SNX9: variants seen among roughly 807,000 people sequenced by gnomAD.
SNX9 encodes sorting nexin-9.
A neutral mutation model predicts 89.4 loss-of-function variants in SNX9; 44 were observed. That is an observed-to-expected ratio of 0.49 (90% CI 0.39 to 0.63). The LOEUF (loss-of-function observed/expected upper bound fraction) is 0.63. SNX9 is among the 30% of genes least tolerant of loss of function. The pLI is 0.00. For missense variants in SNX9, 578 were observed against 736.1 expected (o/e 0.79, Z 2.49); for synonymous variants, 236 against 247.8 (o/e 0.95, Z 0.45).
At chr6:157,896,271 T>G (rs1484894825) in intron 4 of SNX9, among the ~76,000 whole-genome samples, 2 of 152,252 alleles carry the variant, frequency 1.3e-5, no homozygotes, top group African/African-American at 2.4e-5. Context: ...TGTTTGAATT[T>G]TTTTTATTAT....
At chr6:157,836,167 C>G (rs1043117538) in intron 1 of SNX9, among the ~76,000 whole-genome samples, 5 of 152,088 alleles carry the variant, frequency 3.3e-5, no homozygotes, top group African/African-American at 9.7e-5. Context: ...CCAGGCTGAT[C>G]TTGAACTTCT....
intron 9 of SNX9, among the ~76,000 whole-genome samples, chr6:157,920,295 A>G (rs1007864015): frequency 6.6e-6 from 1 of 152,156 alleles, no homozygotes; most frequent in Non-Finnish European, 1.5e-5. Context: ...AGCCTGGAAT[A>G]TGCATGGTTC....
At chr6:157,939,957 G>A (rs1256487520) in intron 16 of SNX9, among the ~76,000 whole-genome samples, 2 of 151,514 alleles carry the variant, frequency 1.3e-5, no homozygotes, top group East Asian at 4.0e-4. Flanking sequence ...CTCTAGAGTT[G>A]GGGGCAGGGG....
chr6:157,845,262 C>G (rs1397369782), intron 1 of SNX9, among the ~76,000 whole-genome samples: 2 of 152,108 alleles, frequency 1.3e-5, no homozygotes, highest in African/African-American at 4.8e-5. Context: ...GCACCCGCTA[C>G]CATGCCCAGC....
intron 1 of SNX9, among the ~76,000 whole-genome samples, chr6:157,825,409 A>G (rs142759181): frequency 6.6e-6 from 1 of 152,372 alleles, no homozygotes; most frequent in Non-Finnish European, 1.5e-5. Flanking sequence ...GTGCAGGTAT[A>G]TATAGTGAAA....
chr6:157,827,738 A>G (rs1463580760), intron 1 of SNX9, among the ~76,000 whole-genome samples: 3 of 150,872 alleles, frequency 2.0e-5, no homozygotes, highest in Non-Finnish European at 3.0e-5. Context: ...AGGTTAATCC[A>G]TATCTATATA....
At chr6:157,838,448 G>A (rs1244311942) in intron 1 of SNX9, among the ~76,000 whole-genome samples, 1 of 152,230 alleles carries the variant, frequency 6.6e-6, no homozygotes, top group African/African-American at 2.4e-5. Context: ...TCCATTAGGT[G>A]TACGGTTGCT....
chr6:157,936,425 C>T (rs1371384835), intron 14 of SNX9, among the ~76,000 whole-genome samples: 2 of 152,144 alleles, frequency 1.3e-5, no homozygotes, highest in Non-Finnish European at 2.9e-5. Flanking sequence ...AGGAAGATTG[C>T]TTGAGCCCGG....
intron 5 of SNX9, among the ~76,000 whole-genome samples, chr6:157,897,408 C>G (rs1000025358): frequency 2.0e-5 from 3 of 152,146 alleles, no homozygotes; most frequent in Non-Finnish European, 4.4e-5. Context: ...TCCATGCCCC[C>G]CTGCCCCAGG....
chr6:157,908,958 T>G (rs1783277894), intron 7 of SNX9, among the ~76,000 whole-genome samples: 1 of 152,182 alleles, frequency 6.6e-6, no homozygotes, highest in Admixed American at 6.5e-5. Context: ...ACCCGGGGGT[T>G]GGAAGTGAGC....
intron 4 of SNX9, among the ~76,000 whole-genome samples, chr6:157,876,272 T>G (rs1371598220): frequency 1.3e-5 from 2 of 152,028 alleles, no homozygotes; most frequent in Non-Finnish European, 2.9e-5. Context: ...GCCAACATGG[T>G]GAAACCCCAT....
At chr6:157,893,531 C>T (rs1782907159) in intron 4 of SNX9, among the ~76,000 whole-genome samples, 1 of 151,742 alleles carries the variant, frequency 6.6e-6, no homozygotes, top group African/African-American at 2.4e-5. Context: ...GTCTGTCCTA[C>T]AACATTAGGG....
intron 1 of SNX9, among the ~76,000 whole-genome samples, chr6:157,862,365 CTTAAG>C (rs10541797): frequency 0.012 from 1,818 of 152,146 alleles, 41 homozygotes; most frequent in African/African-American, 0.042. Context: ...CATGAATGTG[CTTAAG>C]TTAAACAAGC....
At position 157,895,466 on chromosome 6, in the gene SNX9, A is replaced by ATTAT. The variant is rs113101276; in HGVS notation, c.301-1360_301-1357dup. 2.8e-3 allele frequency among the ~76,000 whole-genome samples: 429 copies of ATTAT among 152,284 alleles called. 3 individuals are homozygous for ATTAT. The highest frequency in any genetic ancestry group is 9.1e-3 in the African/African-American group (377 of 41,560). Reference sequence around the variant, plus strand: ...GTTTTGGTCTGTCCGATCACATGGTATTATAGTACCCAAAGACTGAAAACA... The same window carrying ATTAT: ...GTTTTGGTCTGTCCGATCACATGGTATTATTTATAGTACCCAAAGACTGAAAACA... On this transcript the variant is annotated intron_variant, in intron 4 of 17. Coordinates refer to ENST00000392185, the MANE Select transcript of SNX9 (RefSeq NM_016224.5).
chr6:157,824,711 T>C (rs1289437018), intron 1 of SNX9, among the ~76,000 whole-genome samples: 2 of 152,218 alleles, frequency 1.3e-5, no homozygotes, highest in Non-Finnish European at 2.9e-5. Flanking sequence ...AGGGAACCTG[T>C]TGCTGCTGTT....
At chr6:157,935,336 T>C (rs1783901637) in intron 13 of SNX9, among the ~76,000 whole-genome samples, 1 of 152,192 alleles carries the variant, frequency 6.6e-6, no homozygotes, top group Non-Finnish European at 1.5e-5. Flanking sequence ...TTTTCTAACA[T>C]TCTAAGAGTA....
chr6:157,836,775 T>G (rs1781591887), intron 1 of SNX9, among the ~76,000 whole-genome samples: 1 of 152,090 alleles, frequency 6.6e-6, no homozygotes, highest in Non-Finnish European at 1.5e-5. Flanking sequence ...GTATTTTTAG[T>G]AGAGACGGGG....
chr6:157,935,814 G>A, intron 13 of SNX9, 150 bp from the exon 14 acceptor site: 3 of 593,644 alleles, frequency 5.1e-6, no homozygotes, highest in Non-Finnish European at 5.7e-6. Context: ...CAGATGGTGG[G>A]TGATGGGCAT....
intron 1 of SNX9, among the ~76,000 whole-genome samples, chr6:157,853,869 A>G (rs1249168765): frequency 6.6e-6 from 1 of 151,634 alleles, no homozygotes; most frequent in Non-Finnish European, 1.5e-5. Flanking sequence ...TATGGGCTTT[A>G]TTTTTATTAC....
Sources: gnomAD v4.1 joint callset for allele counts (sites outside exome capture counted in the v4.1 genomes callset) on GRCh38, gnomAD v4.1.1 for gene constraint, MANE v1.5 for transcripts, NCBI Gene and HGNC (gene_info 2026-07-23, HGNC 2026-07-21) for gene names.